Variants in AK4 observed in about 807,000 individuals in gnomAD.
AK4 encodes adenylate kinase 4, mitochondrial.
Under a neutral mutation model 24.6 loss-of-function variants are expected in AK4, and 13 were observed. The ratio of observed to expected loss-of-function variants is 0.53; its 90% CI spans 0.34 to 0.84. The LOEUF (loss-of-function observed/expected upper bound fraction) is 0.84. Among genes scored for constraint, AK4 ranks in the 40% least tolerant of loss-of-function variants. The probability of loss-of-function intolerance (pLI) is 0.01; values close to 1 mark genes in which losing one functional copy is unlikely to be tolerated. For missense variants in AK4, 192 were observed against 288.2 expected (o/e 0.67, Z 2.42); for synonymous variants, 88 against 107.0 (o/e 0.82, Z 1.10).
intron 3 of AK4, among the ~76,000 whole-genome samples, chr1:65,221,455 G>T (rs745484250): frequency 1.3e-5 from 2 of 152,136 alleles, no homozygotes; most frequent in African/African-American, 2.4e-5. Flanking sequence ...GTAAAAGCAG[G>T]CCAGGCTTGT....
Position 65,183,987 on chromosome 1 carries a change from T to G in AK4, c.146-6723T>G, listed in dbSNP as rs536700846. Reference sequence around the variant, plus strand: ...AATTTTGGAGAGATGACCAACTTAATAGATAGTCTTAAGTTTTGTGTTATC... The same window carrying G: ...AATTTTGGAGAGATGACCAACTTAAGAGATAGTCTTAAGTTTTGTGTTATC... On this transcript the variant is annotated intron_variant, in intron 1 of 4. Transcript: ENST00000327299. Among the ~76,000 whole-genome samples, 12 of 152,304 alleles carry G rather than the reference T, an allele frequency of 7.9e-5. 1 individual carries two copies. The South Asian group carries it at 2.5e-3, about 32-fold the overall frequency.
At chr1:65,186,238 C>T (rs1651097215) in intron 1 of AK4, among the ~76,000 whole-genome samples, 2 of 152,070 alleles carry the variant, frequency 1.3e-5, no homozygotes, top group South Asian at 2.1e-4. Flanking sequence ...TGGGTTCAAA[C>T]TATTCTTGTG....
chr1:65,218,077 C>T (rs1652185572), intron 2 of AK4, among the ~76,000 whole-genome samples: 1 of 152,120 alleles, frequency 6.6e-6, no homozygotes, highest in Admixed American at 6.6e-5. Context: ...GTGTACAATA[C>T]AGTATTTATG....
Position 65,217,334 on chromosome 1 carries a change from T to C in AK4, c.266-1420T>C, listed in dbSNP as rs565405663. ...AAGGAATTCTTTGAATTGTAAGTGC[T>C]ACAGGGCCATGAATACCCATTTTTA... On this transcript the variant is annotated intron_variant, in intron 2 of 4. Coordinates refer to ENST00000327299, the MANE Select transcript of AK4 (RefSeq NM_013410.4). 3.3e-5 allele frequency among the ~76,000 whole-genome samples: 5 copies of C among 152,290 alleles called. No individual in the cohort carries two copies. In the East Asian group the frequency reaches 9.7e-4, roughly 29 times the overall value.
intron 1 of AK4, among the ~76,000 whole-genome samples, chr1:65,182,694 C>T (rs948693066): frequency 1.3e-5 from 2 of 152,084 alleles, no homozygotes; most frequent in Non-Finnish European, 2.9e-5. Flanking sequence ...TTTTTGTCTC[C>T]AGCGTCAAGA....
intron 2 of AK4, among the ~76,000 whole-genome samples, chr1:65,206,885 A>G (rs1439039198): frequency 2.6e-5 from 4 of 152,220 alleles, no homozygotes; most frequent in Admixed American, 2.6e-4. Flanking sequence ...ATTTTCCCTT[A>G]TGGGAAAAGG....
At chr1:65,189,439 T>G (rs1348180812) in intron 1 of AK4, among the ~76,000 whole-genome samples, 2 of 151,814 alleles carry the variant, frequency 1.3e-5, no homozygotes, top group Non-Finnish European at 2.9e-5. Context: ...CCACCATGCC[T>G]GGCTAGTTTT....
intron 1 of AK4, among the ~76,000 whole-genome samples, chr1:65,151,619 A>G (rs949403045): frequency 1.3e-5 from 2 of 152,308 alleles, no homozygotes; most frequent in African/African-American, 4.8e-5. Flanking sequence ...GGGATCAGGC[A>G]AAGTACCTAA....
chr1:65,184,327 A>T (rs1416179837), intron 1 of AK4, among the ~76,000 whole-genome samples: 1 of 152,202 alleles, frequency 6.6e-6, no homozygotes, highest in African/African-American at 2.4e-5. Context: ...TTGGAATCTG[A>T]CACTTCATCT....
rs538496724 is a variant in AK4 at position 65,231,486 on chromosome 1, G to A, written c.*5309G>A. On this transcript the variant is annotated 3_prime_UTR_variant, in exon 5 of 5. Coordinates refer to ENST00000327299, the MANE Select transcript of AK4 (RefSeq NM_013410.4). Reference sequence around the variant, plus strand: ...GCACAGTGTCATTCTTTAAATAAAAGCTTTCCTGTTTAAAGCTTTTCAAAG... The same window carrying A: ...GCACAGTGTCATTCTTTAAATAAAAACTTTCCTGTTTAAAGCTTTTCAAAG... 6.6e-6 allele frequency: 1 copy of A among 152,120 alleles called. No homozygotes were observed. Among genetic ancestry groups the A allele is most frequent in the African/African-American group, 2.4e-5 (1 of 41,422 alleles). 9.4% of individuals were successfully genotyped at this position (152,120 alleles called of 1,614,324 possible). A position where few individuals can be genotyped will look rare whatever the true frequency, so the allele number is the denominator to read the frequency against.
chr1:65,189,680 C>A (rs60767301), intron 1 of AK4, among the ~76,000 whole-genome samples: 2,727 of 151,922 alleles, frequency 0.018, 83 homozygotes, highest in African/African-American at 0.062. Context: ...CACACACACC[C>A]CACACATTTA....
intron 1 of AK4, among the ~76,000 whole-genome samples, chr1:65,166,858 G>A (rs1650349131): frequency 6.6e-6 from 1 of 152,212 alleles, no homozygotes; most frequent in Non-Finnish European, 1.5e-5. Flanking sequence ...CTTGGCCAGT[G>A]CAGTGGCTCA....
chr1:65,199,944 C>T lies in AK4; in HGVS notation c.265+9115C>T, dbSNP rs890116982. Among the ~76,000 whole-genome samples, 4 of 152,086 alleles carry T rather than the reference C, an allele frequency of 2.6e-5. No homozygotes were observed. The East Asian group carries it at 7.7e-4, about 29-fold the overall frequency. ...TTCCTATTAGAGATACTCGTACTTT[C>T]TAACATGATAAGTATTTGGATATTC... On this transcript the variant is annotated intron_variant, in intron 2 of 4. Transcript: ENST00000327299.
At chr1:65,195,539 C>T (rs1461505397) in intron 2 of AK4, among the ~76,000 whole-genome samples, 1 of 152,104 alleles carries the variant, frequency 6.6e-6, no homozygotes, top group East Asian at 1.9e-4. Context: ...GTGTTAAACT[C>T]CCCTGGAAAG....
intron 1 of AK4, among the ~76,000 whole-genome samples, chr1:65,181,683 C>T (rs762838089): frequency 2.0e-5 from 3 of 152,224 alleles, no homozygotes; most frequent in East Asian, 1.9e-4. Context: ...TCACAGTGCC[C>T]GGCCAGAATT....
intron 2 of AK4, among the ~76,000 whole-genome samples, chr1:65,197,447 G>T (rs757006155): frequency 3.2e-4 from 48 of 152,182 alleles, no homozygotes; most frequent in Non-Finnish European, 5.7e-4. Flanking sequence ...CTTTTCATTG[G>T]TAATAATGAT....
intron 1 of AK4, among the ~76,000 whole-genome samples, chr1:65,157,324 G>A (rs1442739317): frequency 6.6e-6 from 1 of 152,168 alleles, no homozygotes; most frequent in Non-Finnish European, 1.5e-5. Flanking sequence ...GATATACAGA[G>A]CATGCTGCAC....
chr1:65,219,983 G>A (rs191118164), intron 3 of AK4, among the ~76,000 whole-genome samples: 7 of 152,138 alleles, frequency 4.6e-5, no homozygotes, highest in East Asian at 3.9e-4. Context: ...ATGTCATATC[G>A]TTGGAATCAT....
At chr1:65,192,095 C>G (rs1207659363) in intron 2 of AK4, among the ~76,000 whole-genome samples, 1 of 152,220 alleles carries the variant, frequency 6.6e-6, no homozygotes, top group Admixed American at 6.5e-5. Flanking sequence ...TTTTAACTCA[C>G]AGAAGTTAGC....
Sources: gnomAD v4.1 joint callset for allele counts (sites outside exome capture counted in the v4.1 genomes callset) on GRCh38, gnomAD v4.1.1 for gene constraint, MANE v1.5 for transcripts, NCBI Gene and HGNC (gene_info 2026-07-23, HGNC 2026-07-21) for gene names.